Variants in KRTCAP2 observed in about 807,000 individuals in gnomAD.
KRTCAP2 encodes the protein dolichyl-diphosphooligosaccharide--protein glycosyltransferase subunit KCP2.
In KRTCAP2, 10 loss-of-function variants were observed where a neutral mutation model predicts 16.5. The observed-to-expected ratio is 0.60, with a 90% CI of 0.37 to 1.02. The LOEUF (loss-of-function observed/expected upper bound fraction) is 1.02, where lower values mean the gene tolerates loss of function less well. Ranked by LOEUF, KRTCAP2 falls within the 50% of genes least tolerant of loss-of-function variation. KRTCAP2 has a pLI of 0.01. For missense variants in KRTCAP2, 152 were observed against 159.6 expected, an observed-to-expected ratio of 0.95 and a Z score of 0.26; for synonymous variants, 68 against 69.8, an observed-to-expected ratio of 0.97 and a Z score of 0.13.
intron 3 of KRTCAP2, 161 bp downstream of exon 3, chr1:155,172,404 T>TA: frequency 6.8e-7 from 1 of 1,480,796 alleles, no homozygotes; most frequent in Non-Finnish European, 9.0e-7. Context: ...CCAGGAGCTA[T>TA]ACAAGGTGCA....
chr1:155,171,847 C>CAA (rs56344097), intron 3 of KRTCAP2: 8,094 of 649,948 alleles, frequency 0.012, 9 homozygotes, highest in African/African-American at 0.027. Flanking sequence ...AGCCTTGTCT[C>CAA]AAAAAAAAAA....
At position 155,172,601 on chromosome 1, in the gene KRTCAP2, A is replaced by G. The variant is rs200430293; in HGVS notation, c.187T>C (p.Phe63Leu). 1.9e-6 allele frequency: 3 copies of G among 1,614,220 alleles called. No individual in the cohort carries two copies. The highest frequency in any genetic ancestry group is 2.5e-6 in the Non-Finnish European group (3 of 1,180,040). Residue 63 changes from phenylalanine (F) to leucine (L), a missense_variant, in exon 3 of 5, where the codon TTT becomes CTT. By Grantham distance (22) the Phe-to-Leu change is conservative (BLOSUM62 0). Coordinates refer to ENST00000295682, the MANE Select transcript of KRTCAP2 (RefSeq NM_173852.4). The stretch of plus-strand genomic sequence containing the variant: ...ATCTTTGCTTGGAATCCTTTGCCAA[A>G]GACAAGATTCTCCAGATTATTGAAG... ...TAFNNLENLV[F>L]GKGFQAKIFP...
chr1:155,169,461 G>A lies in KRTCAP2; in HGVS notation c.390C>T (p.Gly130=). 1 of 1,614,070 alleles carries A rather than the reference G, an allele frequency of 6.2e-7. No homozygotes were observed. The highest frequency in any genetic ancestry group is 8.5e-7 in the Non-Finnish European group (1 of 1,179,956). The change falls in exon 5 of 5, where the codon GGC becomes GGT. Residue 130 remains glycine, a synonymous_variant. Transcript: ENST00000295682. ...AGGGTCAGTTTCTCTTCTTGCTCTT[G>A]CCTGTGACCTTGGCTGGTGTGAGGA... The part of the protein sequence containing the change: ...APVLTPAKVT[G]KSKKRN
At chr1:155,169,708 G>A (rs1665180685) in intron 4 of KRTCAP2, 83 bp downstream of exon 4, 3 of 1,384,358 alleles carry the variant, frequency 2.2e-6, no homozygotes, top group East Asian at 4.8e-5. Flanking sequence ...AGGTGTGGAA[G>A]GAAAAACTCT....
chr1:155,171,802 C>T (rs1665253881), intron 3 of KRTCAP2: 3 of 792,424 alleles, frequency 3.8e-6, no homozygotes, highest in Non-Finnish European at 4.5e-6. Context: ...CTTCAGTGAT[C>T]ACATCCCTGC....
chr1:155,172,992 C>T (rs1665320582), intron 1 of KRTCAP2, 100 bp from the exon 2 acceptor site: 3 of 1,279,750 alleles, frequency 2.3e-6, no homozygotes, highest in Non-Finnish European at 3.3e-6. Flanking sequence ...GGCCGACCCC[C>T]TCCAAGAACT....
intron 3 of KRTCAP2, 65 bp from the exon 4 acceptor site, chr1:155,169,922 G>C (rs1249246658): frequency 3.7e-6 from 4 of 1,069,900 alleles, no homozygotes; most frequent in Non-Finnish European, 5.6e-6. Flanking sequence ...TCTGCACATG[G>C]AGTCCAGGAG....
chr1:155,171,890 C>T (rs1203153590), intron 3 of KRTCAP2: 1 of 976,412 alleles, frequency 1.0e-6, no homozygotes, highest in African/African-American at 1.8e-5. Flanking sequence ...TAAGGGCAAC[C>T]ATGATAGATC....
chr1:155,172,126 G>A (rs1382131070), intron 3 of KRTCAP2: 1 of 1,009,182 alleles, frequency 9.9e-7, no homozygotes, highest in African/African-American at 1.7e-5. Context: ...GATTCCTGCT[G>A]CCATAGATAT....
intron 3 of KRTCAP2, 58 bp from the exon 4 acceptor site, chr1:155,169,915 G>A: frequency 8.7e-7 from 1 of 1,146,482 alleles, no homozygotes; most frequent in African/African-American, 1.5e-5. Context: ...CTAGGCATCT[G>A]CACATGGAGT....
rs755786445 is a variant in KRTCAP2 at position 155,173,180 on chromosome 1, C to A, written c.4+41G>T. On this transcript the variant is annotated intron_variant, in intron 1 of 4. Coordinates refer to ENST00000295682, the MANE Select transcript of KRTCAP2 (RefSeq NM_173852.4). ...GAAAGCTTGTCCACCCAAACCCCGA[C>A]CCCCTCTAGGACTTCCTGGGGACCC... is the stretch of plus-strand genomic sequence containing the variant. The A allele has an allele frequency of 4.5e-6, 7 of 1,540,402 alleles. No homozygotes were observed. In the East Asian group the frequency reaches 1.4e-4, roughly 30 times the overall value.
intron 1 of KRTCAP2, 158 bp downstream of exon 1, chr1:155,173,063 C>T: frequency 1.1e-6 from 1 of 942,596 alleles, no homozygotes. Context: ...TACGTATTCC[C>T]CAGCCCCGGA....
intron 3 of KRTCAP2, chr1:155,171,710 T>A: frequency 1.8e-6 from 1 of 551,550 alleles, no homozygotes; most frequent in Non-Finnish European, 2.3e-6. Flanking sequence ...CTTAAAACAG[T>A]AGCTGGGTGT....
chr1:155,173,124 G>A, intron 1 of KRTCAP2, 97 bp downstream of exon 1: 1 of 1,168,160 alleles, frequency 8.6e-7, no homozygotes, highest in South Asian at 1.4e-5. Context: ...GTGGAACCCA[G>A]GACACGTCAG....
rs908331937 is a variant in KRTCAP2 at position 155,169,478 on chromosome 1, G to A, written c.373C>T (p.Pro125Ser). ...TTGCTCTTGCCTGTGACCTTGGCTG[G>A]TGTGAGGACTGGAGCTGCTGCCTGG... ...LYQAAAPVLT[P>S]AKVTGKSKKR... Residue 125 changes from proline (P) to serine (S), a missense_variant, in exon 5 of 5, where the codon CCA becomes TCA. By Grantham distance (74) the Pro-to-Ser change is moderately conservative. Transcript: ENST00000295682. 45 of 1,614,116 alleles carry A rather than the reference G, an allele frequency of 2.8e-5. No individual in the cohort carries two copies. The highest frequency in any genetic ancestry group is 3.6e-5 in the Non-Finnish European group (42 of 1,179,956).
At chr1:155,172,957 G>A (rs1025021464) in intron 1 of KRTCAP2, 65 bp from the exon 2 acceptor site, 6 of 1,560,454 alleles carry the variant, frequency 3.8e-6, no homozygotes, top group Non-Finnish European at 5.3e-6. Flanking sequence ...GCTACGGGCA[G>A]ATCAGCCGGT....
chr1:155,173,269 G>A lies in KRTCAP2; in HGVS notation c.-45C>T, dbSNP rs775094540. 2.8e-5 allele frequency: 46 copies of A among 1,614,042 alleles called. No individual in the cohort carries two copies. Among genetic ancestry groups the A allele is most frequent in the South Asian group, 3.3e-5 (3 of 91,070 alleles). On this transcript the variant is annotated 5_prime_UTR_variant, in exon 1 of 5. Coordinates refer to ENST00000295682, the MANE Select transcript of KRTCAP2 (RefSeq NM_173852.4). Reference sequence around the variant, plus strand: ...CAACCGGCGCCTCTGGCCAAGAAAGGCGAGCTGAACCGGGTGCGGTTAGCT... The same window carrying A: ...CAACCGGCGCCTCTGGCCAAGAAAGACGAGCTGAACCGGGTGCGGTTAGCT...
intron 4 of KRTCAP2, 61 bp from the exon 5 acceptor site, chr1:155,169,621 T>C: frequency 6.4e-7 from 1 of 1,569,688 alleles, no homozygotes; most frequent in South Asian, 1.1e-5. Context: ...TGGTGCCTCC[T>C]AGGGAAGACA....
chr1:155,170,465 A>G (rs1482293416), intron 3 of KRTCAP2: 1 of 152,260 alleles, frequency 6.6e-6, no homozygotes, highest in African/African-American at 2.4e-5. Context: ...AGGAAAGGTG[A>G]TGGACAACAG....
Sources: gnomAD v4.1 joint callset for allele counts on GRCh38, gnomAD v4.1.1 for gene constraint, MANE v1.5 for transcripts, NCBI Gene and HGNC (gene_info 2026-07-23, HGNC 2026-07-21) for gene names.